SCN10A: variants seen among roughly 807,000 people sequenced by gnomAD.
SCN10A encodes sodium channel protein type 10 subunit alpha.
SCN10A carries 162 observed loss-of-function variants against 170.7 expected under a neutral mutation model. That is an observed-to-expected ratio of 0.95 (90% CI 0.84 to 1.08). SCN10A has a LOEUF of 1.08. Ranked by LOEUF, SCN10A falls within the 50% of genes least tolerant of loss-of-function variation. The pLI, the probability that SCN10A is intolerant of heterozygous loss-of-function variation, is 0.00. For missense variants in SCN10A, 2,527 were observed against 2,436.9 expected (o/e 1.04, Z -0.78); for synonymous variants, 985 against 904.6 (o/e 1.09, Z -1.59).
chr3:38,744,318 G>T (rs6599251), intron 13 of SCN10A, among the ~76,000 whole-genome samples: 86,861 of 151,630 alleles, frequency 0.57, 25,119 homozygotes, highest in African/African-American at 0.65. Context: ...AGTGTTTAGG[G>T]TTTTTTTTAC....
Position 38,739,564 on chromosome 3 carries a change from A to G in SCN10A, c.2231T>C (p.Leu744Pro), listed in dbSNP as rs907199641. ...CAGGCTTCCCTTCTTGGCCACGCCC[A>G]GCTCTAGCAGACTCACAGTGACGAT... ...CIIVTVSLLE[L>P]GVAKKGSLSV... is the part of the protein sequence containing the mutation. Residue 744 changes from leucine to proline, a missense_variant, in exon 15 of 28, where the codon CTG becomes CCG. Transcript: ENST00000449082. 1.2e-6 allele frequency: 2 copies of G among 1,614,216 alleles called. No individual in the cohort carries two copies. The highest frequency in any genetic ancestry group is 2.2e-5 in the East Asian group (1 of 44,884).
chr3:38,716,874 G>A (rs2063339471), intron 21 of SCN10A, among the ~76,000 whole-genome samples: 1 of 152,172 alleles, frequency 6.6e-6, no homozygotes, highest in South Asian at 2.1e-4. Context: ...AGGTTGATAG[G>A]ATGGATGAAT....
chr3:38,808,249 TTC>T (rs10588171), intron 1 of SCN10A, among the ~76,000 whole-genome samples: 120,129 of 151,784 alleles, frequency 0.79, 48,144 homozygotes, highest in African/African-American at 0.9. Flanking sequence ...ACATGCTTTT[TTC>T]TCTCTCTCTC....
intron 5 of SCN10A, among the ~76,000 whole-genome samples, chr3:38,769,995 A>T (rs9872482): frequency 6.6e-6 from 1 of 152,176 alleles, no homozygotes. Context: ...TGAGAGTCCT[A>T]GGCTGTAGAT....
chr3:38,752,295 G>T lies in SCN10A; in HGVS notation c.1679C>A (p.Pro560His). Residue 560 changes from proline (P) to histidine (H), a missense_variant, in exon 12 of 28, where the codon CCT becomes CAT. Transcript: ENST00000449082. ...PRSPLPQPSN[P>H]DSRHGEDEHQ... ...TTCATCTTCTCCATGCCTGGAGTCA[G>T]GGTTGCTGGGTTGAGGAAGAGGGCT... 6.2e-7 allele frequency: 1 copy of T among 1,607,640 alleles called. No homozygotes were observed. The highest frequency in any genetic ancestry group is 8.5e-7 in the Non-Finnish European group (1 of 1,176,802).
At chr3:38,782,399 A>G (rs1023740675) in intron 4 of SCN10A, among the ~76,000 whole-genome samples, 2 of 151,946 alleles carry the variant, frequency 1.3e-5, no homozygotes, top group Non-Finnish European at 2.9e-5. Flanking sequence ...GTGATTTACC[A>G]CTTCTCCACC....
intron 13 of SCN10A, among the ~76,000 whole-genome samples, chr3:38,745,914 AGTTT>A (rs1180499011): frequency 2.0e-5 from 3 of 151,256 alleles, no homozygotes; most frequent in Non-Finnish European, 4.4e-5. Context: ...TTAAACATTT[AGTTT>A]GTTAGAACTG....
In SCN10A at chr3:38,763,603, G is replaced by A; in HGVS notation, c.600-7C>T. On this transcript the variant is annotated splice_region_variant and splice_polypyrimidine_tract_variant and intron_variant, in intron 5 of 27. Transcript: ENST00000449082. ...TATTGCTGTGCCAACATATCTGTAGGACCAGAAGTTAGTCAGCATCTCTGC... is the reference window on the plus strand; with the variant it reads ...TATTGCTGTGCCAACATATCTGTAGAACCAGAAGTTAGTCAGCATCTCTGC... 6.2e-7 allele frequency: 1 copy of A among 1,610,838 alleles called. No homozygotes were observed. Among genetic ancestry groups the A allele is most frequent in the Non-Finnish European group, 8.5e-7 (1 of 1,177,180 alleles).
Position 38,714,015 on chromosome 3 carries a change from A to C in SCN10A, c.3747T>G (p.Leu1249=), listed in dbSNP as rs2063305109. Residue 1249 remains leucine, a synonymous_variant, in exon 22 of 28, where the codon CTT becomes CTG. Transcript: ENST00000449082. ...EYSEVAPIKA[L]RTLRALRPLR... Reference sequence around the variant, plus strand: ...GTGGCCGCAGAGCGCGAAGGGTTCGAAGGGCTTTGATGGGAGCCACTTCAG... The same window carrying C: ...GTGGCCGCAGAGCGCGAAGGGTTCGCAGGGCTTTGATGGGAGCCACTTCAG... 6.2e-7 allele frequency: 1 copy of C among 1,614,058 alleles called. No homozygotes were observed. Among genetic ancestry groups the C allele is most frequent in the Non-Finnish European group, 8.5e-7 (1 of 1,180,054 alleles).
At chr3:38,813,880 T>C (rs1034104302) in intron 1 of SCN10A, among the ~76,000 whole-genome samples, 1 of 152,250 alleles carries the variant, frequency 6.6e-6, no homozygotes, top group Non-Finnish European at 1.5e-5. Context: ...GAGAAAGTGC[T>C]GTCACATTCG....
rs368271861 is a variant in SCN10A, at chr3:38,723,595, G to A, written c.3229-42C>T. Reference sequence around the variant, plus strand: ...CAGGGCAGTGAACTCGTCTCTCCGCGGGGCCCGGGGAATTGCACACGGTCA... The same window carrying A: ...CAGGGCAGTGAACTCGTCTCTCCGCAGGGCCCGGGGAATTGCACACGGTCA... On this transcript the variant is annotated intron_variant, in intron 18 of 27. Transcript: ENST00000449082. 101 of 1,550,678 alleles carry A rather than the reference G, an allele frequency of 6.5e-5. 1 individual carries two copies. The African/African-American group carries it at 6.8e-4, about 11-fold the overall frequency.
chr3:38,790,565 T>G (rs1398235624), intron 3 of SCN10A, among the ~76,000 whole-genome samples: 1 of 151,876 alleles, frequency 6.6e-6, no homozygotes, highest in East Asian at 1.9e-4. Flanking sequence ...TTCTCTTTAT[T>G]TGTAATTTCC....
At chr3:38,767,982 T>G (rs1037645151) in intron 5 of SCN10A, among the ~76,000 whole-genome samples, 25 of 152,120 alleles carry the variant, frequency 1.6e-4, no homozygotes, top group African/African-American at 5.8e-4. Context: ...TATTTTATCA[T>G]TATATATGTC....
At chr3:38,711,658 T>C (rs2063275452) in intron 23 of SCN10A, among the ~76,000 whole-genome samples, 1 of 152,162 alleles carries the variant, frequency 6.6e-6, no homozygotes, top group South Asian at 2.1e-4. Context: ...GTATTAACAC[T>C]TGAATGAACA....
Position 38,728,798 on chromosome 3 carries a change from G to C in SCN10A, c.2384C>G (p.Ala795Gly). The C allele has an allele frequency of 6.2e-7, 1 of 1,614,118 alleles. No individual in the cohort carries two copies. Among genetic ancestry groups the C allele is most frequent in the Admixed American group, 1.7e-5 (1 of 60,026 alleles). The change falls in exon 16 of 28, where the codon GCC becomes GGC. Residue 795 changes from alanine to glycine, a missense_variant. Physicochemically the swap from Ala to Gly is moderately conservative, Grantham distance 60. Coordinates refer to ENST00000449082, the MANE Select transcript of SCN10A (RefSeq NM_006514.4). ...GALGNLTIIL[A>G]IIVFVFALVG... is the part of the protein sequence containing the mutation. ...CAGAGCAAAGACAAAGACAATGATG[G>C]CCAGGATGATGGTGAGGTTCCCCAG...
intron 1 of SCN10A, 37 bp downstream of exon 1, chr3:38,816,000 C>T (rs1219288814): frequency 2.0e-5 from 3 of 152,336 alleles, no homozygotes; most frequent in African/African-American, 7.2e-5. Context: ...TATCTTTACA[C>T]TGTTAGCCAC....
intron 20 of SCN10A, 47 bp downstream of exon 20, chr3:38,722,211 G>A (rs748702455): frequency 1.9e-6 from 3 of 1,573,852 alleles, no homozygotes; most frequent in Admixed American, 1.7e-5. Flanking sequence ...GATTGTAGGA[G>A]ATTCCTATCT....
At chr3:38,774,004 T>A (rs1453241566) in intron 4 of SCN10A, among the ~76,000 whole-genome samples, 1 of 152,166 alleles carries the variant, frequency 6.6e-6, no homozygotes, top group Non-Finnish European at 1.5e-5. Context: ...AAAATGAAAT[T>A]GCTGTTTTTT....
chr3:38,770,496 C>T (rs1326965892), intron 5 of SCN10A, among the ~76,000 whole-genome samples: 1 of 151,950 alleles, frequency 6.6e-6, no homozygotes, highest in African/African-American at 2.4e-5. Context: ...ATTTTGGCTG[C>T]CTCTGCTGTG....
Sources: gnomAD v4.1 joint callset for allele counts (sites outside exome capture counted in the v4.1 genomes callset) on GRCh38, gnomAD v4.1.1 for gene constraint, MANE v1.5 for transcripts, NCBI Gene and HGNC (gene_info 2026-07-23, HGNC 2026-07-21) for gene names.